Variants in SPRED1 observed in about 807,000 individuals in gnomAD.
The protein encoded by SPRED1 is sprouty-related, EVH1 domain-containing protein 1.
A neutral mutation model predicts 52.3 loss-of-function variants in SPRED1; 18 were observed. That is an observed-to-expected ratio of 0.34 (90% CI 0.24 to 0.51). SPRED1 has a LOEUF of 0.51. SPRED1 is among the 20% of genes least tolerant of loss of function. The pLI, the probability that SPRED1 is intolerant of heterozygous loss-of-function variation, is 0.97. For synonymous variants in SPRED1, 155 were observed against 179.7 expected (o/e 0.86, Z 1.10); for missense variants, 485 against 551.0 (o/e 0.88, Z 1.20).
chr15:38,323,756 G>A (rs1281168753), intron 3 of SPRED1, among the ~76,000 whole-genome samples: 1 of 152,060 alleles, frequency 6.6e-6, no homozygotes, highest in African/African-American at 2.4e-5. Flanking sequence ...CTTTAGCCAG[G>A]TTTGAAGAAC....
At chr15:38,256,533 C>T (rs570338367) in intron 1 of SPRED1, among the ~76,000 whole-genome samples, 2 of 152,162 alleles carry the variant, frequency 1.3e-5, no homozygotes, top group East Asian at 1.9e-4. Context: ...ATTAGGTTCA[C>T]GTTAGCCAGA....
chr15:38,289,906 G>A (rs954039074), intron 1 of SPRED1, among the ~76,000 whole-genome samples: 5 of 152,148 alleles, frequency 3.3e-5, no homozygotes, highest in African/African-American at 1.2e-4. Context: ...CTAAGTTTGT[G>A]GTAGTTGTTA....
At chr15:38,274,654 C>A (rs554267134) in intron 1 of SPRED1, among the ~76,000 whole-genome samples, 1 of 152,052 alleles carries the variant, frequency 6.6e-6, no homozygotes, top group African/African-American at 2.4e-5. Context: ...GAAATTTCAC[C>A]GGTTGTTCCA....
chr15:38,351,825 GCCT>G lies in SPRED1; in HGVS notation c.*162_*164del. 1 of 885,596 alleles carries G rather than the reference GCCT, an allele frequency of 1.1e-6. No homozygotes were observed. Among genetic ancestry groups the G allele is most frequent in the Non-Finnish European group, 1.7e-6 (1 of 581,318 alleles). 54.9% of individuals were successfully genotyped at this position (885,596 alleles called of 1,614,324 possible). A position where few individuals can be genotyped will look rare whatever the true frequency, so the allele number is the denominator to read the frequency against. ...ATCAGTTCTTGGCGTTTCACGCCAT[GCCT>G]AACTTTTCCCTTGAGTGCATGGCAT... On this transcript the variant is annotated 3_prime_UTR_variant, in exon 7 of 7. Coordinates refer to ENST00000299084, the MANE Select transcript of SPRED1 (RefSeq NM_152594.3).
chr15:38,255,139 A>T (rs775278622), intron 1 of SPRED1, among the ~76,000 whole-genome samples: 3 of 152,184 alleles, frequency 2.0e-5, no homozygotes, highest in Admixed American at 6.5e-5. Context: ...ATAAATTGAG[A>T]CAACAGGTTT....
intron 1 of SPRED1, among the ~76,000 whole-genome samples, chr15:38,267,090 A>G (rs1178533882): frequency 6.6e-6 from 1 of 152,226 alleles, no homozygotes; most frequent in East Asian, 1.9e-4. Flanking sequence ...AAAGAAATCA[A>G]CTAAAAACCC....
Position 38,324,444 on chromosome 15 carries a change from T to C in SPRED1, c.377-319T>C, listed in dbSNP as rs1916153. Among the ~76,000 whole-genome samples, 118,639 of 152,126 alleles carry C rather than the reference T, an allele frequency of 0.78. 47,565 individuals are homozygous for C. The highest frequency in any genetic ancestry group is 0.87 in the Non-Finnish European group (59,239 of 68,000). ...TCACATCTTAGCATCACCAGAGCAA[T>C]GTAATTATAATCTGCCTAGTAATTT... On this transcript the variant is annotated intron_variant, in intron 3 of 6. Coordinates refer to ENST00000299084, the MANE Select transcript of SPRED1 (RefSeq NM_152594.3).
intron 1 of SPRED1, among the ~76,000 whole-genome samples, chr15:38,275,621 C>G (rs1474752230): frequency 6.6e-6 from 1 of 152,138 alleles, no homozygotes; most frequent in African/African-American, 2.4e-5. Context: ...CCTCAGCCTC[C>G]CAAGTAGCTG....
In SPRED1 at chr15:38,353,818, C is replaced by T. The variant is rs1327706947; in HGVS notation, c.*2154C>T. 2.0e-5 allele frequency: 3 copies of T among 152,514 alleles called. No individual in the cohort carries two copies. Among genetic ancestry groups the T allele is most frequent in the African/African-American group, 4.8e-5 (2 of 41,436 alleles). 9.4% of individuals were successfully genotyped at this position (152,514 alleles called of 1,614,324 possible). On this transcript the variant is annotated 3_prime_UTR_variant, in exon 7 of 7. Coordinates refer to ENST00000299084, the MANE Select transcript of SPRED1 (RefSeq NM_152594.3). Reference sequence around the variant, plus strand: ...GCTGTGGAAATGAACTGTGTATATACTTCTGGGAGGAACAAATTTAATCAT... The same window carrying T: ...GCTGTGGAAATGAACTGTGTATATATTTCTGGGAGGAACAAATTTAATCAT...
chr15:38,298,391 G>A (rs993504101), intron 1 of SPRED1, among the ~76,000 whole-genome samples: 4 of 152,112 alleles, frequency 2.6e-5, no homozygotes, highest in Non-Finnish European at 4.4e-5. Context: ...AAAAAGACAT[G>A]TACAAGAATG....
intron 1 of SPRED1, among the ~76,000 whole-genome samples, chr15:38,285,242 C>G (rs563306680): frequency 3.9e-4 from 59 of 152,068 alleles, no homozygotes; most frequent in Non-Finnish European, 7.1e-4. Flanking sequence ...AAGCACTCTT[C>G]TAGTTTAAGG....
chr15:38,293,049 G>T (rs1027278326), intron 1 of SPRED1, among the ~76,000 whole-genome samples: 1 of 149,436 alleles, frequency 6.7e-6, no homozygotes, highest in African/African-American at 2.5e-5. Context: ...CCATTTTATA[G>T]ACCAGGAATA....
chr15:38,333,115 A>G (rs924057075), intron 4 of SPRED1, among the ~76,000 whole-genome samples: 1 of 152,166 alleles, frequency 6.6e-6, no homozygotes, highest in African/African-American at 2.4e-5. Context: ...AAACATTCGG[A>G]GTATAGCACT....
In SPRED1 at chr15:38,328,172, T is replaced by C. The variant is rs535603251; in HGVS notation, c.423+3363T>C. Among the ~76,000 whole-genome samples, 21 of 152,340 alleles carry C rather than the reference T, an allele frequency of 1.4e-4. 1 individual carries two copies. In the South Asian group the frequency reaches 4.1e-3, roughly 30 times the overall value. Reference sequence around the variant, plus strand: ...TGGTGTTTATATCGGGTTTACTTCATTGGCAATTGTTTGCAAAGACAACTA... The same window carrying C: ...TGGTGTTTATATCGGGTTTACTTCACTGGCAATTGTTTGCAAAGACAACTA... On this transcript the variant is annotated intron_variant, in intron 4 of 6. Transcript: ENST00000299084.
chr15:38,294,022 G>A (rs769209928), intron 1 of SPRED1, among the ~76,000 whole-genome samples: 1 of 152,056 alleles, frequency 6.6e-6, no homozygotes, highest in African/African-American at 2.4e-5. Context: ...TGTAGTATAT[G>A]AATCTCATGG....
At chr15:38,263,913 G>A (rs1160995468) in intron 1 of SPRED1, among the ~76,000 whole-genome samples, 1 of 152,208 alleles carries the variant, frequency 6.6e-6, no homozygotes, top group Non-Finnish European at 1.5e-5. Flanking sequence ...CAGCCCATGG[G>A]CCGCGGGTTG....
chr15:38,254,514 A>T (rs1217609428), intron 1 of SPRED1, among the ~76,000 whole-genome samples: 1 of 152,368 alleles, frequency 6.6e-6, no homozygotes, highest in Admixed American at 6.5e-5. Flanking sequence ...CATTCATAAA[A>T]AAAATAATTA....
rs1894530182 is a variant in SPRED1 at position 38,275,504 on chromosome 15, T to C, written c.32+22287T>C. On this transcript the variant is annotated intron_variant, in intron 1 of 6. Coordinates refer to ENST00000299084, the MANE Select transcript of SPRED1 (RefSeq NM_152594.3). ...GGGATGAGGCTGGTGGTATTATTAT[T>C]ACTATTATTTTGAGACAGAATCTTG... is the stretch of plus-strand genomic sequence containing the variant. 2.0e-5 allele frequency among the ~76,000 whole-genome samples: 3 copies of C among 152,084 alleles called. No individual in the cohort carries two copies. The South Asian group carries it at 6.2e-4, about 32-fold the overall frequency.
intron 1 of SPRED1, among the ~76,000 whole-genome samples, chr15:38,271,762 C>A (rs1298940710): frequency 6.6e-6 from 1 of 151,994 alleles, no homozygotes; most frequent in African/African-American, 2.4e-5. Flanking sequence ...AAAAAATTTC[C>A]ATTCTTATTT....
Sources: allele counts gnomAD v4.1 joint callset (sites outside exome capture counted in the v4.1 genomes callset), GRCh38; gene constraint gnomAD v4.1.1; transcripts MANE v1.5; gene names NCBI Gene and HGNC (gene_info 2026-07-23, HGNC 2026-07-21).